The following SNTG1 variants were observed in gnomAD, a reference collection of about 807,000 sequenced individuals.
SNTG1 encodes the protein syntrophin gamma 1, also known as gamma-1-syntrophin.
SNTG1 carries 39 observed loss-of-function variants against 74.7 expected under a neutral mutation model. That is an observed-to-expected ratio of 0.52 (90% CI 0.40 to 0.68). SNTG1 has a LOEUF of 0.68. Among genes scored for constraint, SNTG1 ranks in the 30% least tolerant of loss-of-function variants. The pLI, the probability that SNTG1 is intolerant of heterozygous loss-of-function variation, is 0.00. For missense variants in SNTG1, 685 were observed against 609.5 expected (o/e 1.12, Z -1.30); for synonymous variants, 254 against 217.1 (o/e 1.17, Z -1.49).
At chr8:50,072,712 C>G (rs1406410164) in intron 1 of SNTG1, among the ~76,000 whole-genome samples, 1 of 152,066 alleles carries the variant, frequency 6.6e-6, no homozygotes, top group Non-Finnish European at 1.5e-5. Flanking sequence ...ACTAAAATAG[C>G]AAAGCTAACA....
At chr8:49,922,661 T>C (rs1286437937) in intron 1 of SNTG1, among the ~76,000 whole-genome samples, 1 of 152,132 alleles carries the variant, frequency 6.6e-6, no homozygotes, top group Non-Finnish European at 1.5e-5. Flanking sequence ...AATTCCTATA[T>C]CATCATCTGT....
chr8:50,089,406 G>C (rs1383010497), intron 1 of SNTG1, among the ~76,000 whole-genome samples: 1 of 150,174 alleles, frequency 6.7e-6, no homozygotes, highest in Non-Finnish European at 1.5e-5. Flanking sequence ...ATTGACAAAT[G>C]GGATCTAATT....
intron 2 of SNTG1, among the ~76,000 whole-genome samples, chr8:50,259,498 C>CAAA (rs1187091123): frequency 1.1e-4 from 2 of 18,394 alleles, no homozygotes; most frequent in African/African-American, 3.2e-4. Flanking sequence ...GACGCTGTCT[C>CAAA]AAAAAAAAAA....
chr8:50,101,741 A>T (rs1298699707), intron 1 of SNTG1, among the ~76,000 whole-genome samples: 1 of 151,778 alleles, frequency 6.6e-6, no homozygotes, highest in African/African-American at 2.4e-5. Flanking sequence ...CCAGAGTGTA[A>T]TGTTCCCCTT....
At chr8:49,990,655 C>G (rs527463679) in intron 1 of SNTG1, among the ~76,000 whole-genome samples, 10 of 152,090 alleles carry the variant, frequency 6.6e-5, no homozygotes, top group African/African-American at 2.4e-4. Flanking sequence ...AAATAAACAC[C>G]TATATTTATG....
chr8:50,691,437 A>G (rs1004748151), intron 15 of SNTG1, among the ~76,000 whole-genome samples: 1 of 152,154 alleles, frequency 6.6e-6, no homozygotes, highest in Non-Finnish European at 1.5e-5. Context: ...CTTTTAGTGC[A>G]GGCCTGGTGG....
intron 2 of SNTG1, among the ~76,000 whole-genome samples, chr8:50,304,092 C>G (rs185950858): frequency 1.3e-3 from 205 of 152,246 alleles, no homozygotes; most frequent in Middle Eastern, 3.4e-3. Flanking sequence ...GAGGTGGGGC[C>G]TTTAAGAGGC....
At chr8:49,974,516 C>T (rs188733376) in intron 1 of SNTG1, among the ~76,000 whole-genome samples, 4 of 152,218 alleles carry the variant, frequency 2.6e-5, no homozygotes, top group Admixed American at 2.0e-4. Flanking sequence ...AACTATTTCT[C>T]AAGATGAATG....
In SNTG1 at chr8:50,238,560, A is replaced by G. The variant is rs531146272; in HGVS notation, c.-28+65925A>G. 2.6e-5 allele frequency among the ~76,000 whole-genome samples: 4 copies of G among 152,274 alleles called. No homozygotes were observed. The East Asian group carries it at 7.7e-4, about 29-fold the overall frequency. ...AATCCTAGAGGAAGACCTAGGATAT[A>G]TCATTCTGGACATTATTTCTGGCAA... On this transcript the variant is annotated intron_variant, in intron 2 of 18. Coordinates refer to ENST00000642720, the MANE Select transcript of SNTG1 (RefSeq NM_018967.5).
At chr8:50,055,441 A>T (rs1457350607) in intron 1 of SNTG1, among the ~76,000 whole-genome samples, 1 of 152,154 alleles carries the variant, frequency 6.6e-6, no homozygotes, top group Non-Finnish European at 1.5e-5. Context: ...ACTTTAAAAA[A>T]CATGTTAATG....
chr8:50,610,522 G>A (rs2094842451), intron 13 of SNTG1, among the ~76,000 whole-genome samples: 2 of 152,252 alleles, frequency 1.3e-5, no homozygotes, highest in South Asian at 2.1e-4. Context: ...ATTTGTCAGT[G>A]TCTGACAATT....
intron 1 of SNTG1, among the ~76,000 whole-genome samples, chr8:49,951,642 A>G (rs1008664396): frequency 2.6e-5 from 4 of 151,490 alleles, no homozygotes; most frequent in African/African-American, 9.7e-5. Context: ...TAGCATTGGG[A>G]GATATACCTA....
At chr8:50,571,408 G>T (rs934761548) in intron 12 of SNTG1, among the ~76,000 whole-genome samples, 2 of 152,242 alleles carry the variant, frequency 1.3e-5, no homozygotes, top group Non-Finnish European at 2.9e-5. Context: ...CAAAGAAACA[G>T]CCTGCTGATA....
At chr8:50,392,439 A>C (rs1175003342) in intron 2 of SNTG1, among the ~76,000 whole-genome samples, 1 of 152,160 alleles carries the variant, frequency 6.6e-6, no homozygotes, top group Non-Finnish European at 1.5e-5. Context: ...GAGGGGACTT[A>C]TTTAATGCCA....
intron 2 of SNTG1, among the ~76,000 whole-genome samples, chr8:50,311,534 A>G (rs1185586061): frequency 6.6e-6 from 1 of 152,224 alleles, no homozygotes; most frequent in African/African-American, 2.4e-5. Context: ...TCTTTTACAT[A>G]CAAACGTCTT....
intron 12 of SNTG1, among the ~76,000 whole-genome samples, chr8:50,562,608 TGG>T (rs1350937400): frequency 6.6e-6 from 1 of 152,180 alleles, no homozygotes; most frequent in African/African-American, 2.4e-5. Context: ...TATAAATGTG[TGG>T]GTTTTTCTTA....
At chr8:50,683,168 T>C (rs1022300056) in intron 15 of SNTG1, among the ~76,000 whole-genome samples, 1 of 152,178 alleles carries the variant, frequency 6.6e-6, no homozygotes, top group African/African-American at 2.4e-5. Flanking sequence ...AGGCTTGCAA[T>C]CCATTTTTTG....
At chr8:50,741,520 C>T (rs1029020078) in intron 17 of SNTG1, among the ~76,000 whole-genome samples, 2 of 152,170 alleles carry the variant, frequency 1.3e-5, no homozygotes, top group South Asian at 4.1e-4. Flanking sequence ...AAATCTTATT[C>T]CATGGTATTT....
At chr8:50,427,756 A>G (rs2093181596) in intron 4 of SNTG1, among the ~76,000 whole-genome samples, 1 of 151,860 alleles carries the variant, frequency 6.6e-6, no homozygotes, top group Non-Finnish European at 1.5e-5. Flanking sequence ...TAATTTAAAA[A>G]TATTCTCAGA....
Sources: allele counts gnomAD v4.1 joint callset (sites outside exome capture counted in the v4.1 genomes callset), GRCh38; gene constraint gnomAD v4.1.1; transcripts MANE v1.5; gene names NCBI Gene and HGNC (gene_info 2026-07-23, HGNC 2026-07-21).